Variants in GRAMD1B observed in about 807,000 individuals in gnomAD.
GRAMD1B encodes GRAM domain containing 1B.
Under a neutral mutation model 99.7 loss-of-function variants are expected in GRAMD1B, and 37 were observed. That is an observed-to-expected ratio of 0.37 (90% CI 0.29 to 0.49). The LOEUF is 0.49. Among genes scored for constraint, GRAMD1B ranks in the 20% least tolerant of loss-of-function variants. GRAMD1B has a pLI of 0.98. For missense variants in GRAMD1B, 888 were observed against 1,009.2 expected, an observed-to-expected ratio of 0.88 and a Z score of 1.63; for synonymous variants, 427 against 387.6, an observed-to-expected ratio of 1.10 and a Z score of -1.19.
chr11:123,417,672 C>T (rs865842622), intron 1 of GRAMD1B, among the ~76,000 whole-genome samples: 1 of 151,972 alleles, frequency 6.6e-6, no homozygotes, highest in Non-Finnish European at 1.5e-5. Context: ...CGCAATGGCC[C>T]ATGCCTGTAA....
intron 1 of GRAMD1B, among the ~76,000 whole-genome samples, chr11:123,478,854 G>T (rs537776932): frequency 2.5e-4 from 38 of 152,314 alleles, no homozygotes; most frequent in Non-Finnish European, 5.0e-4. Context: ...TGTAGACCCT[G>T]CTTCTGGAGC....
At chr11:123,451,770 G>T (rs535539102) in intron 1 of GRAMD1B, among the ~76,000 whole-genome samples, 3 of 152,118 alleles carry the variant, frequency 2.0e-5, no homozygotes, top group Non-Finnish European at 4.4e-5. Flanking sequence ...CTGAGGTGTG[G>T]CTGGCTTCTT....
At chr11:123,449,216 G>A (rs1030663811) in intron 1 of GRAMD1B, among the ~76,000 whole-genome samples, 3 of 152,156 alleles carry the variant, frequency 2.0e-5, no homozygotes, top group East Asian at 1.9e-4. Flanking sequence ...TAACGTGCTC[G>A]CATTGTATCG....
chr11:123,619,324 G>T, intron 19 of GRAMD1B, 100 bp downstream of exon 19: 1 of 1,529,340 alleles, frequency 6.5e-7, no homozygotes, highest in East Asian at 2.5e-5. Context: ...CCACCCTCCA[G>T]ACTTCTCCCT....
At chr11:123,593,088 C>T (rs528627626) in intron 4 of GRAMD1B, among the ~76,000 whole-genome samples, 1 of 151,954 alleles carries the variant, frequency 6.6e-6, no homozygotes, top group South Asian at 2.1e-4. Flanking sequence ...AAAAATTAGC[C>T]GGGAGAGGTG....
rs967059656 is a variant in GRAMD1B at position 123,591,325 on chromosome 11, C to T, written c.685-2757C>T. ...GCCAGGGGAGACCAGTTGTTTTCATCGTGTGGGGACAGTCGGGAGTCAGTG... is the reference window on the plus strand; with the variant it reads ...GCCAGGGGAGACCAGTTGTTTTCATTGTGTGGGGACAGTCGGGAGTCAGTG... On this transcript the variant is annotated intron_variant, in intron 4 of 19. Transcript: ENST00000635736. The surrounding 1 kb of genome is among the most constrained non-coding windows in gnomAD (Gnocchi z 4.7). The T allele has an allele frequency of 2.3e-5, 9 of 398,054 alleles. No homozygotes were observed. The highest frequency in any genetic ancestry group is 1.3e-4 in the Admixed American group (3 of 22,712). 24.7% of individuals were successfully genotyped at this position (398,054 alleles called of 1,614,324 possible). A position where few individuals can be genotyped will look rare whatever the true frequency, so the allele number is the denominator to read the frequency against.
intron 11 of GRAMD1B, 96 bp downstream of exon 11, chr11:123,606,894 C>A: frequency 1.1e-6 from 1 of 917,878 alleles, no homozygotes; most frequent in East Asian, 2.6e-5. Context: ...CTCTAGGTTC[C>A]TGGTGGAGAG....
intron 1 of GRAMD1B, among the ~76,000 whole-genome samples, chr11:123,376,140 T>C (rs1211621899): frequency 6.6e-6 from 1 of 151,038 alleles, no homozygotes; most frequent in Non-Finnish European, 1.5e-5. Context: ...CTTACTGATT[T>C]ATTTCTAAAC....
chr11:123,461,960 T>C (rs1476378148), intron 1 of GRAMD1B, among the ~76,000 whole-genome samples: 4 of 148,054 alleles, frequency 2.7e-5, no homozygotes, highest in African/African-American at 1.0e-4. Context: ...TGGTCATTTG[T>C]TTATTTCTTT....
intron 2 of GRAMD1B, chr11:123,491,904 G>A (rs546920143): frequency 7.5e-6 from 3 of 399,136 alleles, no homozygotes; most frequent in Admixed American, 4.4e-5. Context: ...TGTAAAGCAG[G>A]CTTGTCACTA....
chr11:123,619,149 C>A lies in GRAMD1B; in HGVS notation c.2469C>A (p.Ser823=), dbSNP rs1233105139. Residue 823 remains serine, a synonymous_variant, in exon 19 of 20, where the codon TCC becomes TCA. Transcript: ENST00000635736. ...SQTEWAQLLE[S]QQKYHDTELQ... The stretch of plus-strand genomic sequence containing the variant: ...CAGAATGGGCCCAGCTCTTAGAGTC[C>A]CAACAAAAGTACCACGATACTGAGC... 1.9e-6 allele frequency: 3 copies of A among 1,570,030 alleles called. No individual in the cohort carries two copies. The highest frequency in any genetic ancestry group is 8.6e-7 in the Non-Finnish European group (1 of 1,157,414).
chr11:123,397,533 A>G (rs1400564000), intron 1 of GRAMD1B, among the ~76,000 whole-genome samples: 1 of 152,208 alleles, frequency 6.6e-6, no homozygotes, highest in African/African-American at 2.4e-5. Context: ...CTTGTTTGAG[A>G]CAGGCTCTCA....
chr11:123,386,839 G>C (rs1019414035), intron 1 of GRAMD1B, among the ~76,000 whole-genome samples: 16 of 152,244 alleles, frequency 1.1e-4, no homozygotes, highest in African/African-American at 3.9e-4. Flanking sequence ...GGCAGAGCAT[G>C]CTCGGCAGAT....
intron 1 of GRAMD1B, among the ~76,000 whole-genome samples, chr11:123,418,618 T>C (rs1948315421): frequency 6.6e-6 from 1 of 152,178 alleles, no homozygotes; most frequent in Non-Finnish European, 1.5e-5. Flanking sequence ...TCTGTGGTGT[T>C]GGCTTAGTGT....
At chr11:123,576,117 A>G (rs974846667) in intron 2 of GRAMD1B, among the ~76,000 whole-genome samples, 2 of 152,122 alleles carry the variant, frequency 1.3e-5, no homozygotes, top group African/African-American at 4.8e-5. Flanking sequence ...AAGGATGTCC[A>G]GGTGGAAGGT....
intron 2 of GRAMD1B, among the ~76,000 whole-genome samples, chr11:123,562,334 C>T (rs1372404029): frequency 6.6e-6 from 1 of 152,210 alleles, no homozygotes; most frequent in Non-Finnish European, 1.5e-5. Context: ...GCACCCTCCC[C>T]TTGACCTTTT....
intron 1 of GRAMD1B, among the ~76,000 whole-genome samples, chr11:123,413,222 A>G (rs1438852123): frequency 6.6e-6 from 1 of 152,046 alleles, no homozygotes; most frequent in African/African-American, 2.4e-5. Context: ...CCTCTTATTC[A>G]AAGGTGGATT....
At chr11:123,425,768 T>C (rs1948625442), upstream of GRAMD1B, among the ~76,000 whole-genome samples, 1 of 152,212 alleles carries the variant, frequency 6.6e-6, no homozygotes, top group Non-Finnish European at 1.5e-5. Flanking sequence ...TTAGGTTGTA[T>C]TTAACCAGCA....
intron 2 of GRAMD1B, among the ~76,000 whole-genome samples, chr11:123,537,588 T>TTTTTATGC (rs1944099665): frequency 1.3e-5 from 2 of 152,238 alleles, no homozygotes; most frequent in Non-Finnish European, 2.9e-5. Flanking sequence ...ATCTTGCATC[T>TTTTTATGC]GTTAACTCTG....
Sources: gnomAD v4.1 joint callset for allele counts (sites outside exome capture counted in the v4.1 genomes callset) on GRCh38, gnomAD v4.1.1 for gene constraint, Gnocchi (gnomAD v3.1) non-coding constraint, MANE v1.5 for transcripts, NCBI Gene and HGNC (gene_info 2026-07-23, HGNC 2026-07-21) for gene names.